Variants in TBC1D30 observed in about 807,000 individuals in gnomAD.
The protein encoded by TBC1D30 is TBC1 domain family, member 30.
TBC1D30 carries 31 observed loss-of-function variants against 63.2 expected under a neutral mutation model. The ratio of observed to expected loss-of-function variants is 0.49; its 90% CI spans 0.37 to 0.66. The LOEUF (loss-of-function observed/expected upper bound fraction) is 0.66, where lower values mean the gene tolerates loss of function less well. Among genes scored for constraint, TBC1D30 ranks in the 30% least tolerant of loss-of-function variants. The pLI, the probability that TBC1D30 is intolerant of heterozygous loss-of-function variation, is 0.00. For synonymous variants in TBC1D30, 307 were observed against 361.5 expected (o/e 0.85, Z 1.71); for missense variants, 810 against 953.6 (o/e 0.85, Z 1.98).
At chr12:64,820,308 C>T (rs924958712), upstream of TBC1D30, among the ~76,000 whole-genome samples, 2 of 152,088 alleles carry the variant, frequency 1.3e-5, no homozygotes, top group Admixed American at 1.3e-4. Flanking sequence ...AGGAAAAGTT[C>T]GCTCTCAAGG....
intron 8 of TBC1D30, among the ~76,000 whole-genome samples, chr12:64,862,407 A>G (rs533369895): frequency 6.6e-6 from 1 of 152,338 alleles, no homozygotes; most frequent in South Asian, 2.1e-4. Context: ...CAGAGAAAGG[A>G]AGACATGAAG....
intron 8 of TBC1D30, 92 bp from the exon 9 acceptor site, chr12:64,864,576 T>G: frequency 1.2e-6 from 1 of 855,978 alleles, no homozygotes; most frequent in Non-Finnish European, 1.9e-6. Flanking sequence ...CTCTTCACAC[T>G]CGACTTCATA....
exon 2 of TBC1D30, chr12:64,785,882 C>T (rs148379368): frequency 1.9e-5 from 25 of 1,288,228 alleles, no homozygotes; most frequent in Middle Eastern, 2.1e-4. Context: ...TACTGATAGA[C>T]GCTAATGAAC....
intron 2 of TBC1D30, among the ~76,000 whole-genome samples, chr12:64,791,730 T>A (rs149010883): frequency 3.1e-3 from 463 of 151,732 alleles, no homozygotes; most frequent in African/African-American, 0.01. Flanking sequence ...ATGTTTTTTT[T>A]AATATTTTTG....
Position 64,827,274 on chromosome 12 carries a change from A to G in TBC1D30, c.155-561A>G, listed in dbSNP as rs544330672. 3.9e-4 allele frequency among the ~76,000 whole-genome samples: 60 copies of G among 152,158 alleles called. 1 individual carries two copies. Among genetic ancestry groups the G allele is most frequent in the African/African-American group, 1.4e-3 (58 of 41,494 alleles). On this transcript the variant is annotated intron_variant, in intron 1 of 11. Coordinates refer to ENST00000539867, the MANE Select transcript of TBC1D30 (RefSeq NM_015279.2). ...AGATCAGCCTGACCAACATGACGAA[A>G]CCCTGTTCTACAAAAAATACAAAAA...
intron 2 of TBC1D30, among the ~76,000 whole-genome samples, chr12:64,802,322 A>G (rs1415916869): frequency 6.6e-6 from 1 of 151,948 alleles, no homozygotes; most frequent in Non-Finnish European, 1.5e-5. Context: ...TGTTTTTGGC[A>G]TATCTGGGCC....
chr12:64,843,009 GC>G lies in TBC1D30; in HGVS notation c.933-366del, dbSNP rs1426477424. 5.3e-5 allele frequency among the ~76,000 whole-genome samples: 8 copies of G among 152,246 alleles called. No individual in the cohort carries two copies. In the East Asian group the frequency reaches 1.5e-3, roughly 29 times the overall value. On this transcript the variant is annotated intron_variant, in intron 7 of 11. Coordinates refer to ENST00000539867, the MANE Select transcript of TBC1D30 (RefSeq NM_015279.2). ...AGTTATTTGATGGCAAAAGGCAACT[GC>G]CCCCTGCCCTTTTTTGAGACAGGGT... is the stretch of plus-strand genomic sequence containing the variant.
rs1003346531 is a variant in TBC1D30 at position 64,878,505 on chromosome 12, A to G, written c.*2717A>G. 7 of 456,596 alleles carry G rather than the reference A, an allele frequency of 1.5e-5. No individual in the cohort carries two copies. The highest frequency in any genetic ancestry group is 3.1e-5 in the Non-Finnish European group (7 of 226,968). The allele number at this position is 456,596 out of a possible 1,614,324, so 28.3% of individuals were successfully genotyped here. On this transcript the variant is annotated 3_prime_UTR_variant, in exon 12 of 12. Coordinates refer to ENST00000539867, the MANE Select transcript of TBC1D30 (RefSeq NM_015279.2). ...TTACAAAAGCCTCCAGATGATCTAA[A>G]TCTAGTTAGCAATGTCAGCCTGTGG...
chr12:64,874,706 TA>T (rs950874926), intron 11 of TBC1D30, among the ~76,000 whole-genome samples: 20 of 147,704 alleles, frequency 1.4e-4, no homozygotes, highest in African/African-American at 2.0e-4. Flanking sequence ...GAGCTCTCTG[TA>T]AAAAAAAAAA....
At chr12:64,834,019 T>A (rs1875104629) in intron 5 of TBC1D30, among the ~76,000 whole-genome samples, 2 of 152,118 alleles carry the variant, frequency 1.3e-5, no homozygotes, top group Non-Finnish European at 2.9e-5. Context: ...TCAGTAATAC[T>A]TGAGAAACTG....
chr12:64,772,191 C>T (rs1267734790), intron 1 of TBC1D30, among the ~76,000 whole-genome samples: 1 of 141,194 alleles, frequency 7.1e-6, no homozygotes, highest in African/African-American at 2.7e-5. Flanking sequence ...GAGCCGAGAT[C>T]GTGCCATTGC....
chr12:64,875,463 C>T lies in TBC1D30; in HGVS notation c.1961C>T (p.Ala654Val), dbSNP rs193199722. ...DADVDVSAVQ[A>V]KLGALELNQR... is the part of the protein sequence containing the mutation. Reference sequence around the variant, plus strand: ...GATGTGGATGTGTCTGCAGTTCAGGCGAAGTTGGGAGCCCTGGAACTGAAC... The same window carrying T: ...GATGTGGATGTGTCTGCAGTTCAGGTGAAGTTGGGAGCCCTGGAACTGAAC... Residue 654 changes from alanine to valine, a missense_variant, in exon 12 of 12, where the codon GCG (alanine) becomes GTG (valine). Transcript: ENST00000539867. The T allele has an allele frequency of 7.6e-4, 1,164 of 1,536,136 alleles. 1 individual carries two copies. The highest frequency in any genetic ancestry group is 1.2e-3 in the Admixed American group (60 of 50,998).
chr12:64,840,743 G>A (rs1321426096), intron 7 of TBC1D30, among the ~76,000 whole-genome samples: 2 of 152,312 alleles, frequency 1.3e-5, no homozygotes, highest in Non-Finnish European at 2.9e-5. Context: ...TAGAGTCTGT[G>A]CTTTTAATAA....
chr12:64,779,761 G>A (rs1453617342), upstream of TBC1D30, among the ~76,000 whole-genome samples: 1 of 152,196 alleles, frequency 6.6e-6, no homozygotes, highest in East Asian at 1.9e-4. Flanking sequence ...GAATGGACAC[G>A]TTATTTAGCC....
At chr12:64,854,771 A>C (rs1003933329) in intron 8 of TBC1D30, among the ~76,000 whole-genome samples, 1 of 152,220 alleles carries the variant, frequency 6.6e-6, no homozygotes, top group Non-Finnish European at 1.5e-5. Flanking sequence ...CTGGGATTAC[A>C]GGTGTGAGCC....
At chr12:64,823,252 A>C (rs553692325), upstream of TBC1D30, among the ~76,000 whole-genome samples, 13 of 152,210 alleles carry the variant, frequency 8.5e-5, no homozygotes, top group Non-Finnish European at 1.6e-4. Context: ...AATAACAATA[A>C]TACTACTGAA....
rs1342562533 is a variant in TBC1D30, at chr12:64,866,804, C to G, written c.1192C>G (p.Pro398Ala). 6.5e-7 allele frequency: 1 copy of G among 1,536,392 alleles called. No homozygotes were observed. Residue 398 changes from proline to alanine, a missense_variant, in exon 10 of 12, where the codon CCA becomes GCA. This residue lies in a region of TBC1D30 where 450 missense variants were observed against 473.0 expected (regional missense o/e 0.95). Transcript: ENST00000539867. ...KARDSDEEND[P>A]DDEDAVVNAV... The stretch of plus-strand genomic sequence containing the variant: ...CAGAGACAGTGATGAAGAGAATGAC[C>G]CAGACGATGAGGATGCTGTCGTTAA...
intron 8 of TBC1D30, among the ~76,000 whole-genome samples, chr12:64,852,116 C>A (rs540581974): frequency 2.6e-5 from 4 of 152,150 alleles, no homozygotes; most frequent in Non-Finnish European, 5.9e-5. Context: ...GAGTGTTTTC[C>A]AACTCAGTTC....
At chr12:64,852,810 C>T (rs1237217117) in intron 8 of TBC1D30, among the ~76,000 whole-genome samples, 1 of 152,174 alleles carries the variant, frequency 6.6e-6, no homozygotes, top group Non-Finnish European at 1.5e-5. Flanking sequence ...TGGGTATCAC[C>T]AGTGAAGGCT....
Sources: gnomAD v4.1 joint callset for allele counts (sites outside exome capture counted in the v4.1 genomes callset) on GRCh38, gnomAD v4.1.1 for gene constraint, gnomAD v4.1.1 regional missense constraint, MANE v1.5 for transcripts, NCBI Gene and HGNC (gene_info 2026-07-23, HGNC 2026-07-21) for gene names.